The following ZFHX3 variants were observed in gnomAD, a reference collection of about 807,000 sequenced individuals.
ZFHX3 encodes zinc finger homeobox 3, also known as zinc finger homeobox protein 3.
In ZFHX3, 42 loss-of-function variants were observed where a neutral mutation model predicts 279.1. The observed-to-expected ratio is 0.15, with a 90% CI of 0.12 to 0.19. The LOEUF (loss-of-function observed/expected upper bound fraction) is 0.19. Among genes scored for constraint, ZFHX3 ranks in the 10% least tolerant of loss-of-function variants. ZFHX3 has a pLI of 1.00. For missense variants in ZFHX3, 4,981 were observed against 4,754.0 expected (o/e 1.05, Z -1.40); for synonymous variants, 2,293 against 1,957.8 (o/e 1.17, Z -4.52).
chr16:73,107,049 C>T (rs923121140), intron 7 of ZFHX3, among the ~76,000 whole-genome samples: 10 of 152,134 alleles, frequency 6.6e-5, no homozygotes, highest in Non-Finnish European at 1.2e-4. Context: ...GGGTGCAGTG[C>T]CTCATGCCTA....
chr16:72,787,146 A>T lies in ZFHX3; in HGVS notation c.*18T>A, dbSNP rs758479999. 1 of 1,388,544 alleles carries T rather than the reference A, an allele frequency of 7.2e-7. No homozygotes were observed. Among genetic ancestry groups the T allele is most frequent in the South Asian group, 1.9e-5 (1 of 52,272 alleles). The allele number at this position is 1,388,544 out of a possible 1,614,324, so 86.0% of individuals were successfully genotyped here. Reference sequence around the variant, plus strand: ...TTTGTATTTAAATTCATTTGTTTGTATTGTTCATCTTCAAAGCTTACAATC... The same window carrying T: ...TTTGTATTTAAATTCATTTGTTTGTTTTGTTCATCTTCAAAGCTTACAATC... On this transcript the variant is annotated 3_prime_UTR_variant, in exon 10 of 10. Coordinates refer to ENST00000268489, the MANE Select transcript of ZFHX3 (RefSeq NM_006885.4).
At chr16:73,465,961 C>T (rs746449608) in intron 2 of ZFHX3, among the ~76,000 whole-genome samples, 14 of 151,726 alleles carry the variant, frequency 9.2e-5, no homozygotes, top group East Asian at 2.0e-4. Context: ...CTCTAAGCCA[C>T]GGTTTCTCAA....
At chr16:73,296,043 C>G (rs900057146) in intron 4 of ZFHX3, among the ~76,000 whole-genome samples, 1 of 151,276 alleles carries the variant, frequency 6.6e-6, no homozygotes, top group African/African-American at 2.4e-5. Context: ...GGGAAATTCA[C>G]AGTTCTAGCC....
chr16:73,514,019 C>A (rs886914940), intron 2 of ZFHX3, among the ~76,000 whole-genome samples: 3 of 152,146 alleles, frequency 2.0e-5, no homozygotes, highest in African/African-American at 7.2e-5. Context: ...GAGGCCAAGG[C>A]AGTCAGATCC....
chr16:73,413,707 T>A (rs138536572), intron 3 of ZFHX3, among the ~76,000 whole-genome samples: 1 of 152,200 alleles, frequency 6.6e-6, no homozygotes, highest in African/African-American at 2.4e-5. Context: ...CATCCATCCA[T>A]CTATCCATCC....
In ZFHX3 at chr16:73,526,707, G is replaced by C. The variant is rs562010542; in HGVS notation, c.-1546-70449C>G. On this transcript the variant is annotated intron_variant, in intron 2 of 17. Transcript: ENST00000641206. ...TGTTTATCTGAGCCAAGGGAAGCAG[G>C]AGAATGATGACACTTCCAGTGTTTT... 3.9e-5 allele frequency among the ~76,000 whole-genome samples: 6 copies of C among 152,258 alleles called. No individual in the cohort carries two copies. The South Asian group carries it at 1.2e-3, about 32-fold the overall frequency.
chr16:73,009,382 A>G (rs890378618), intron 1 of ZFHX3, among the ~76,000 whole-genome samples: 1 of 152,148 alleles, frequency 6.6e-6, no homozygotes, highest in African/African-American at 2.4e-5. Context: ...CACACACAAC[A>G]GATTACATTG....
chr16:73,082,562 C>A (rs116952156), intron 8 of ZFHX3, among the ~76,000 whole-genome samples: 1 of 152,142 alleles, frequency 6.6e-6, no homozygotes, highest in Non-Finnish European at 1.5e-5. Context: ...AGCCACCGTG[C>A]CCAGCCAAAT....
At chr16:73,759,237 C>G (rs185569727) in intron 1 of ZFHX3, among the ~76,000 whole-genome samples, 8 of 152,232 alleles carry the variant, frequency 5.3e-5, no homozygotes, top group African/African-American at 1.9e-4. Flanking sequence ...GATGCTTTGC[C>G]GTCTTTAACA....
chr16:73,004,690 T>C (rs1597080365), intron 1 of ZFHX3, among the ~76,000 whole-genome samples: 3 of 152,210 alleles, frequency 2.0e-5, no homozygotes, highest in Admixed American at 2.0e-4. Flanking sequence ...TAAACACCTT[T>C]TCACAGTTTG....
At position 72,958,315 on chromosome 16, in the gene ZFHX3, C is replaced by G. The variant is rs1223249485; in HGVS notation, c.1831G>C (p.Gly611Arg). Residue 611 changes from glycine to arginine, a missense_variant, in exon 2 of 10, where the codon GGT becomes CGT. Gly to Arg is a moderately radical substitution (Grantham distance 125). This residue lies in a region of ZFHX3 where 1,068 missense variants were observed against 935.2 expected (regional missense o/e 1.14). Coordinates refer to ENST00000268489, the MANE Select transcript of ZFHX3 (RefSeq NM_006885.4). ...TGGGGAACGAAGCCCCCATCGTCACCCTCTGTGCTTTCATTTGGTTCTGGT... is the reference window on the plus strand; with the variant it reads ...TGGGGAACGAAGCCCCCATCGTCACGCTCTGTGCTTTCATTTGGTTCTGGT... The part of the protein sequence containing the change: ...TAPEPNESTE[G>R]DDGGFVPHHQ... The G allele has an allele frequency of 6.2e-7, 1 of 1,614,072 alleles. No individual in the cohort carries two copies. Among genetic ancestry groups the G allele is most frequent in the Non-Finnish European group, 8.5e-7 (1 of 1,179,926 alleles).
At chr16:73,366,730 G>C (rs1198349668) in intron 3 of ZFHX3, among the ~76,000 whole-genome samples, 2 of 152,128 alleles carry the variant, frequency 1.3e-5, no homozygotes, top group South Asian at 4.1e-4. Flanking sequence ...GTGTGTGTGT[G>C]TGCGTGCACA....
intron 3 of ZFHX3, among the ~76,000 whole-genome samples, chr16:73,332,695 T>G (rs2015829071): frequency 6.6e-6 from 1 of 152,308 alleles, no homozygotes; most frequent in Non-Finnish European, 1.5e-5. Flanking sequence ...CTGGGACTAA[T>G]TCAAACCACG....
rs150191907 is a variant in ZFHX3, at chr16:72,794,079, G to A, written c.8603C>T (p.Ser2868Phe). Residue 2868 changes from serine to phenylalanine, a missense_variant, in exon 9 of 10, where the codon TCT (serine) becomes TTT (phenylalanine). Coordinates refer to ENST00000268489, the MANE Select transcript of ZFHX3 (RefSeq NM_006885.4). This position sits in a 1 kb window ranked among gnomAD's most constrained non-coding sequence, Gnocchi z 4.2. ...GGTCAACCCTTCGTTGGGTGCAGAA[G>A]AGGATTTGGTTTCAGTTGCTATTCC... ...ATGIATETKS[S>F]SAPNEGLTKA... 5.0e-6 allele frequency: 8 copies of A among 1,614,112 alleles called. No individual in the cohort carries two copies. The African/African-American group carries it at 9.3e-5, about 19-fold the overall frequency.
intron 5 of ZFHX3, among the ~76,000 whole-genome samples, chr16:72,819,442 G>A (rs181732195): frequency 2.6e-4 from 40 of 152,270 alleles, no homozygotes; most frequent in African/African-American, 6.7e-4. Flanking sequence ...TCAGACTCCC[G>A]GGCAGGGCTC....
intron 2 of ZFHX3, among the ~76,000 whole-genome samples, chr16:73,468,302 G>T (rs879430238): frequency 5.3e-5 from 8 of 152,214 alleles, no homozygotes; most frequent in Non-Finnish European, 5.9e-5. Context: ...AAGGAAGAAA[G>T]AAGGGGGCAA....
chr16:72,817,617 C>G (rs1597271170), intron 5 of ZFHX3, among the ~76,000 whole-genome samples: 1 of 152,304 alleles, frequency 6.6e-6, no homozygotes, highest in East Asian at 1.9e-4. Context: ...CGATGCAGAC[C>G]ATTCTCCCTC....
intron 1 of ZFHX3, among the ~76,000 whole-genome samples, chr16:73,823,570 G>A (rs750527004): frequency 1.3e-5 from 2 of 152,312 alleles, no homozygotes; most frequent in Non-Finnish European, 2.9e-5. Context: ...GCCAAATTGT[G>A]CCACTGCCTG....
At chr16:73,140,485 G>A (rs62052405) in intron 6 of ZFHX3, among the ~76,000 whole-genome samples, 31,460 of 151,972 alleles carry the variant, frequency 0.21, 4,248 homozygotes, top group Middle Eastern at 0.38. Context: ...TCGGGTTAAA[G>A]GTTTCAGTTC....
Sources: allele counts gnomAD v4.1 joint callset (sites outside exome capture counted in the v4.1 genomes callset), GRCh38; gene constraint gnomAD v4.1.1; regional missense constraint gnomAD v4.1.1; non-coding constraint Gnocchi (gnomAD v3.1); transcripts MANE v1.5; gene names NCBI Gene and HGNC (gene_info 2026-07-23, HGNC 2026-07-21).